ITSN1: variants seen among roughly 807,000 people sequenced by gnomAD.
ITSN1 encodes intersectin-1.
In ITSN1, 58 loss-of-function variants were observed where a neutral mutation model predicts 239.8. The observed-to-expected ratio is 0.24, with a 90% CI of 0.20 to 0.30. The LOEUF (loss-of-function observed/expected upper bound fraction) is 0.30, where lower values mean the gene tolerates loss of function less well. Among genes scored for constraint, ITSN1 ranks in the 10% least tolerant of loss-of-function variants. The pLI is 1.00. For missense variants in ITSN1, 1,558 were observed against 2,103.3 expected (o/e 0.74, Z 5.07); for synonymous variants, 780 against 770.8 (o/e 1.01, Z -0.20).
intron 1 of ITSN1, among the ~76,000 whole-genome samples, chr21:33,702,055 G>A (rs1221671231): frequency 3.3e-5 from 5 of 150,130 alleles, no homozygotes; most frequent in East Asian, 4.0e-4. Context: ...GCGAAAGAGC[G>A]AAACTCTCTC....
At chr21:33,823,227 A>C (rs74541485) in intron 24 of ITSN1, among the ~76,000 whole-genome samples, 302 of 152,344 alleles carry the variant, frequency 2.0e-3, no homozygotes, top group African/African-American at 6.8e-3. Flanking sequence ...GTGTCGGTAA[A>C]CATGCAGTTG....
chr21:33,664,927 G>A (rs2089825709), intron 1 of ITSN1, among the ~76,000 whole-genome samples: 1 of 148,920 alleles, frequency 6.7e-6, no homozygotes, highest in Middle Eastern at 3.4e-3. Context: ...AGGAAAAGAT[G>A]CATGATAGGC....
chr21:33,883,906 T>G (rs1985364467), intron 36 of ITSN1, among the ~76,000 whole-genome samples: 1 of 149,528 alleles, frequency 6.7e-6, no homozygotes, highest in Non-Finnish European at 1.5e-5. Flanking sequence ...TTTTTTTTTT[T>G]TTTTTTTTTT....
intron 16 of ITSN1, 121 bp from the exon 17 acceptor site, chr21:33,794,220 A>G (rs1212653604): frequency 5.5e-6 from 4 of 733,258 alleles, no homozygotes; most frequent in Non-Finnish European, 9.1e-6. Context: ...ACTTTTTCCA[A>G]CTCTGAAACG....
intron 5 of ITSN1, among the ~76,000 whole-genome samples, chr21:33,744,424 A>G (rs1443225183): frequency 1.3e-5 from 2 of 152,152 alleles, no homozygotes; most frequent in African/African-American, 4.8e-5. Context: ...TGAACTCAGA[A>G]GGCGTCTCTC....
rs2066422152 is a variant in ITSN1, at chr21:33,735,211, C to T, written c.346+7C>T. On this transcript the variant is annotated splice_region_variant and intron_variant, in intron 5 of 39. Coordinates refer to ENST00000381318, the MANE Select transcript of ITSN1 (RefSeq NM_003024.3). ...TCTAGCGCACCAGCATTTGGTAAGT[C>T]TGAAAATGAATTGGTTTCTGTATTT... 1 of 1,610,758 alleles carries T rather than the reference C, an allele frequency of 6.2e-7. No individual in the cohort carries two copies. The highest frequency in any genetic ancestry group is 1.7e-5 in the Admixed American group (1 of 59,582).
At chr21:33,883,081 A>G (rs1985192455) in intron 35 of ITSN1, among the ~76,000 whole-genome samples, 1 of 152,172 alleles carries the variant, frequency 6.6e-6, no homozygotes, top group South Asian at 2.1e-4. Context: ...AAAAAGAGCT[A>G]TGTAGTTATA....
At chr21:33,734,901 G>T (rs1601908703) in intron 4 of ITSN1, 143 bp from the exon 5 acceptor site, 1 of 572,116 alleles carries the variant, frequency 1.7e-6, no homozygotes, top group East Asian at 3.0e-5. Context: ...ATTCCCCATA[G>T]TTTGGTAAAC....
chr21:33,823,955 T>G (rs1020738568), intron 25 of ITSN1, among the ~76,000 whole-genome samples: 1 of 152,224 alleles, frequency 6.6e-6, no homozygotes, highest in Non-Finnish European at 1.5e-5. Flanking sequence ...GACTTACGCT[T>G]TGGAGTAAAC....
chr21:33,728,610 T>A (rs899006137), intron 4 of ITSN1, among the ~76,000 whole-genome samples: 4 of 152,186 alleles, frequency 2.6e-5, no homozygotes, highest in Admixed American at 1.3e-4. Context: ...ATAATTCAGT[T>A]GCTCTAGTTC....
chr21:33,780,820 A>G (rs2070109507), intron 14 of ITSN1, among the ~76,000 whole-genome samples: 1 of 152,242 alleles, frequency 6.6e-6, no homozygotes, highest in Non-Finnish European at 1.5e-5. Context: ...GTTCTTGGCA[A>G]GTTAACCACA....
At chr21:33,725,617 A>T (rs1569031495) in intron 4 of ITSN1, among the ~76,000 whole-genome samples, 1 of 152,128 alleles carries the variant, frequency 6.6e-6, no homozygotes, top group Non-Finnish European at 1.5e-5. Flanking sequence ...CAGTTGTCCT[A>T]ACTTTCTAAA....
In ITSN1 at chr21:33,810,810, A is replaced by G. The variant is rs1037171381; in HGVS notation, c.2320-165A>G. On this transcript the variant is annotated intron_variant, in intron 20 of 39. Coordinates refer to ENST00000381318, the MANE Select transcript of ITSN1 (RefSeq NM_003024.3). ...ATTATAGTGCATTTTTTTTTTCAGCATTACTGCTTAGACTCTTTTCCCAGA... is the reference window on the plus strand; with the variant it reads ...ATTATAGTGCATTTTTTTTTTCAGCGTTACTGCTTAGACTCTTTTCCCAGA... 6 of 836,540 alleles carry G rather than the reference A, an allele frequency of 7.2e-6. No individual in the cohort carries two copies. In the Admixed American group the frequency reaches 7.6e-5, roughly 11 times the overall value. 51.8% of individuals were successfully genotyped at this position (836,540 alleles called of 1,614,324 possible).
In ITSN1 at chr21:33,888,164, G is replaced by A; in HGVS notation, c.5030G>A (p.Arg1677Gln). The change falls in exon 40 of 40, where the codon CGG (arginine) becomes CAG (glutamine). Residue 1677 changes from arginine to glutamine, a missense_variant. Arg to Gln is a conservative substitution (Grantham distance 43). Transcript: ENST00000381318. ...DQFSPDDFLGRTEIRVADIKK... is the reference protein window; with the variant it reads ...DQFSPDDFLGQTEIRVADIKK... The stretch of plus-strand genomic sequence containing the variant: ...GTTCTCTTTTCAGATTTTTTGGGTC[G>A]GACGGAGATCCGTGTGGCGGACATC... 5 of 1,613,964 alleles carry A rather than the reference G, an allele frequency of 3.1e-6. No homozygotes were observed. The highest frequency in any genetic ancestry group is 4.2e-6 in the Non-Finnish European group (5 of 1,179,956).
chr21:33,872,445 A>G, intron 33 of ITSN1, among the ~76,000 whole-genome samples: 1 of 152,272 alleles, frequency 6.6e-6, no homozygotes, highest in East Asian at 1.9e-4. Context: ...GACATGGAAC[A>G]TTGTACTATA....
intron 1 of ITSN1, among the ~76,000 whole-genome samples, chr21:33,707,606 G>A (rs745687708): frequency 6.6e-5 from 10 of 152,188 alleles, no homozygotes; most frequent in African/African-American, 2.2e-4. Flanking sequence ...ACTATAATTA[G>A]TTTACATTTT....
rs1312215562 is a variant in ITSN1 at position 33,896,839 on chromosome 21, C to T, written c.*8539C>T. ...TCCATATACATTGAGCAATAATCCT[C>T]ACTATGTTTCCTGATTCTGTCTGGG... On this transcript the variant is annotated 3_prime_UTR_variant, in exon 40 of 40. Coordinates refer to ENST00000381318, the MANE Select transcript of ITSN1 (RefSeq NM_003024.3). 6.6e-6 allele frequency: 1 copy of T among 152,238 alleles called. No individual in the cohort carries two copies. The highest frequency in any genetic ancestry group is 1.5e-5 in the Non-Finnish European group (1 of 68,040). The allele number at this position is 152,238 out of a possible 1,614,324, so 9.4% of individuals were successfully genotyped here. A position where few individuals can be genotyped will look rare whatever the true frequency, so the allele number is the denominator to read the frequency against.
chr21:33,862,980 C>T (rs1980908381), intron 31 of ITSN1, among the ~76,000 whole-genome samples: 1 of 152,190 alleles, frequency 6.6e-6, no homozygotes, highest in Non-Finnish European at 1.5e-5. Context: ...CAGTTAATTG[C>T]CTTTTGCAGT....
chr21:33,786,343 A>G (rs2070678432), intron 16 of ITSN1, among the ~76,000 whole-genome samples: 1 of 152,224 alleles, frequency 6.6e-6, no homozygotes, highest in Admixed American at 6.5e-5. Flanking sequence ...AGAAACAACA[A>G]TTTAAAATTA....
Sources: allele counts gnomAD v4.1 joint callset (sites outside exome capture counted in the v4.1 genomes callset), GRCh38; gene constraint gnomAD v4.1.1; transcripts MANE v1.5; gene names NCBI Gene and HGNC (gene_info 2026-07-23, HGNC 2026-07-21).